ZFYVE16: variants seen among roughly 807,000 people sequenced by gnomAD.
ZFYVE16 encodes the protein zinc finger FYVE-type containing 16.
Under a neutral mutation model 138.1 loss-of-function variants are expected in ZFYVE16, and 89 were observed. That is an observed-to-expected ratio of 0.64 (90% CI 0.54 to 0.77). The LOEUF is 0.77. Among genes scored for constraint, ZFYVE16 ranks in the 30% least tolerant of loss-of-function variants. The probability of loss-of-function intolerance (pLI) is 0.00; values close to 1 mark genes in which losing one functional copy is unlikely to be tolerated. For missense variants in ZFYVE16, 1,793 were observed against 1,786.7 expected, an observed-to-expected ratio of 1.00 and a Z score of -0.06; for synonymous variants, 596 against 618.3, an observed-to-expected ratio of 0.96 and a Z score of 0.53.
chr5:80,434,586 C>T (rs567488041), intron 3 of ZFYVE16, among the ~76,000 whole-genome samples: 29 of 151,992 alleles, frequency 1.9e-4, no homozygotes, highest in African/African-American at 6.8e-4. Flanking sequence ...AAGCATTTCT[C>T]CCACTTCAGC....
rs759987147 is a variant in ZFYVE16 at position 80,437,553 on chromosome 5, G to A, written c.868G>A (p.Ala290Thr). Residue 290 changes from alanine (A) to threonine (T), a missense_variant, in exon 4 of 19, where the codon GCA (alanine) becomes ACA (threonine). Around this residue, in one of 2 missense-constraint regions of ZFYVE16, gnomAD observed 1,295 missense variants for 1,204.3 expected, o/e 1.08. Transcript: ENST00000505560. ...EEVDVAVITA[A>T]ECLKEEGKTS... ...AGTAGATGTGGCAGTCATAACTGCC[G>A]CAGAATGTTTAAAAGAAGAGGGCAA... 102 of 1,613,906 alleles carry A rather than the reference G, an allele frequency of 6.3e-5. No individual in the cohort carries two copies. The highest frequency in any genetic ancestry group is 1.9e-4 in the South Asian group (17 of 91,066).
At position 80,478,100 on chromosome 5, in the gene ZFYVE16, T is replaced by C. The variant is rs983279739; in HGVS notation, c.*723T>C. The C allele has an allele frequency of 6.6e-6, 1 of 152,126 alleles. No individual in the cohort carries two copies. Among genetic ancestry groups the C allele is most frequent in the African/African-American group, 2.4e-5 (1 of 41,448 alleles). The allele number at this position is 152,126 out of a possible 1,614,324, so 9.4% of individuals were successfully genotyped here. On this transcript the variant is annotated 3_prime_UTR_variant, in exon 19 of 19. Coordinates refer to ENST00000505560, the MANE Select transcript of ZFYVE16 (RefSeq NM_001284236.3). ...ATATTGTTTTTATAGCAAGAACATA[T>C]TCTGAATGTTTTATAAATCTTTAAT...
chr5:80,474,970 A>G (rs998195042), intron 18 of ZFYVE16, 140 bp downstream of exon 18: 4 of 915,272 alleles, frequency 4.4e-6, no homozygotes, highest in Admixed American at 2.9e-5. Context: ...CACATATATT[A>G]TCTGTATTAG....
chr5:80,440,951 C>T, intron 5 of ZFYVE16: 1 of 985,292 alleles, frequency 1.0e-6, no homozygotes. Context: ...GTCTGTTAGC[C>T]TGAGGTAAGC....
At chr5:80,473,889 CTG>C in intron 17 of ZFYVE16, 30 bp downstream of exon 17, 1 of 1,535,776 alleles carries the variant, frequency 6.5e-7, no homozygotes, top group Non-Finnish European at 9.0e-7. Context: ...CCTTTACATG[CTG>C]TGTTTCAATA....
At chr5:80,429,549 A>C (rs1404024132) in intron 2 of ZFYVE16, among the ~76,000 whole-genome samples, 2 of 152,206 alleles carry the variant, frequency 1.3e-5, no homozygotes, top group Non-Finnish European at 2.9e-5. Flanking sequence ...TCAACTAACG[A>C]GCAAAATCAC....
rs1277468642 is a variant in ZFYVE16 at position 80,480,022 on chromosome 5, T to C, written c.*2645T>C. Among the ~76,000 whole-genome samples the C allele has an allele frequency of 6.6e-6, 1 of 152,162 alleles. No individual in the cohort carries two copies. The highest frequency in any genetic ancestry group is 2.4e-5 in the African/African-American group (1 of 41,450). ...CCTCCAGGTGACAGAGAAAATAAAA[T>C]GTAAATACTTTTCATGGAAAAGTAA... On this transcript the variant is annotated 3_prime_UTR_variant, in exon 19 of 19. Coordinates refer to ENST00000505560, the MANE Select transcript of ZFYVE16 (RefSeq NM_001284236.3).
chr5:80,420,037 C>T (rs1361044266), intron 1 of ZFYVE16, among the ~76,000 whole-genome samples: 2 of 151,320 alleles, frequency 1.3e-5, no homozygotes, highest in African/African-American at 4.9e-5. Context: ...GTCTTGAACT[C>T]CTGACCTCGT....
At chr5:80,441,452 A>G (rs1750701049) in intron 5 of ZFYVE16, 7 of 985,292 alleles carry the variant, frequency 7.1e-6, no homozygotes, top group Middle Eastern at 5.2e-4. Flanking sequence ...TTATGGTGCT[A>G]TTTGTCATTA....
chr5:80,430,940 A>G (rs1040530173), intron 2 of ZFYVE16, among the ~76,000 whole-genome samples: 1 of 152,202 alleles, frequency 6.6e-6, no homozygotes, highest in Non-Finnish European at 1.5e-5. Flanking sequence ...AATTGAGGCA[A>G]TAATTAATAG....
At position 80,482,866 on chromosome 5, in the gene ZFYVE16, T is replaced by G. The variant is rs1403451057; in HGVS notation, c.*5489T>G. On this transcript the variant is annotated 3_prime_UTR_variant, in exon 19 of 19. Coordinates refer to ENST00000505560, the MANE Select transcript of ZFYVE16 (RefSeq NM_001284236.3). ...ATAAAGACATTTTCTTTTTTTTCTT[T>G]ACTTTTTTTTTTTTTATGAGATGGA... 6.6e-6 allele frequency: 1 copy of G among 151,656 alleles called. No homozygotes were observed. Among genetic ancestry groups the G allele is most frequent in the Non-Finnish European group, 1.5e-5 (1 of 67,926 alleles). The allele number at this position is 151,656 out of a possible 1,614,324, so 9.4% of individuals were successfully genotyped here.
chr5:80,459,586 A>T, intron 15 of ZFYVE16, 92 bp downstream of exon 15: 2 of 1,115,854 alleles, frequency 1.8e-6, no homozygotes, highest in East Asian at 5.0e-5. Flanking sequence ...GAACATATGT[A>T]AGTTATAAAG....
At chr5:80,455,425 T>G (rs1240261638) in intron 11 of ZFYVE16, 2 of 353,670 alleles carry the variant, frequency 5.7e-6, no homozygotes, top group African/African-American at 2.2e-5. Context: ...TCCCAGCTAC[T>G]TGGGAGGCTG....
In ZFYVE16 at chr5:80,451,695, G is replaced by A. The variant is rs1752001831; in HGVS notation, c.3593G>A (p.Gly1198Asp). 15 of 1,613,160 alleles carry A rather than the reference G, an allele frequency of 9.3e-6. No individual in the cohort carries two copies. The highest frequency in any genetic ancestry group is 1.3e-5 in the Non-Finnish European group (15 of 1,179,722). ...CCTATGCGTTTAATGTTGAGATTGG[G>A]TGCAGAATATAAAGGTAAGTTTTAG... ...VFPMRLMLRL[G>D]AEYKAYPAPL... is the part of the protein sequence containing the mutation. Residue 1198 changes from glycine to aspartate, a missense_variant, in exon 11 of 19, where the codon GGT becomes GAT. Gly to Asp is a moderately conservative substitution (Grantham distance 94, BLOSUM62 -1). This residue lies in a region of ZFYVE16 where 498 missense variants were observed against 582.4 expected (regional missense o/e 0.86). Transcript: ENST00000505560.
At chr5:80,431,397 G>C (rs560669677) in intron 2 of ZFYVE16, among the ~76,000 whole-genome samples, 3 of 152,298 alleles carry the variant, frequency 2.0e-5, no homozygotes, top group African/African-American at 7.2e-5. Context: ...GGCCCTTCAT[G>C]CCAAAACCTC....
chr5:80,413,901 G>T (rs1745832474), intron 1 of ZFYVE16, among the ~76,000 whole-genome samples: 2 of 152,132 alleles, frequency 1.3e-5, no homozygotes, highest in South Asian at 4.1e-4. Context: ...CAGAAGATGG[G>T]AGTTTAGGTT....
At chr5:80,433,600 T>C (rs1749432786) in intron 2 of ZFYVE16, among the ~76,000 whole-genome samples, 1 of 150,706 alleles carries the variant, frequency 6.6e-6, no homozygotes, top group African/African-American at 2.4e-5. Context: ...AAAAAGTATA[T>C]AAAAAAAACT....
At chr5:80,450,285 T>G (rs964859636) in intron 9 of ZFYVE16, 146 bp from the exon 10 acceptor site, 3 of 718,784 alleles carry the variant, frequency 4.2e-6, no homozygotes, top group Middle Eastern at 4.1e-4. Context: ...TATATAAATC[T>G]TATACAATTC....
Position 80,438,750 on chromosome 5 carries a change from T to C in ZFYVE16, c.2065T>C (p.Cys689Arg). The change falls in exon 4 of 19, where the codon TGT (cysteine) becomes CGT (arginine). Residue 689 changes from cysteine (C) to arginine (R), a missense_variant. This residue lies in a region of ZFYVE16 where 1,295 missense variants were observed against 1,204.3 expected (regional missense o/e 1.08). Coordinates refer to ENST00000505560, the MANE Select transcript of ZFYVE16 (RefSeq NM_001284236.3). Reference protein sequence around the residue: ...STADTVVPITCAIDSTADPQV... With the variant: ...STADTVVPITRAIDSTADPQV... ...AGCAGATACCGTTGTTCCAATCACT[T>C]GTGCTATAGATTCTACAGCTGATCC... 6.2e-7 allele frequency: 1 copy of C among 1,614,132 alleles called. No homozygotes were observed. The highest frequency in any genetic ancestry group is 8.5e-7 in the Non-Finnish European group (1 of 1,179,976).
Sources: gnomAD v4.1 joint callset for allele counts (sites outside exome capture counted in the v4.1 genomes callset) on GRCh38, gnomAD v4.1.1 for gene constraint, gnomAD v4.1.1 regional missense constraint, MANE v1.5 for transcripts, NCBI Gene and HGNC (gene_info 2026-07-23, HGNC 2026-07-21) for gene names.